Variants in MTCL1 observed in about 807,000 individuals in gnomAD.
The protein encoded by MTCL1 is microtubule crosslinking factor 1.
A neutral mutation model predicts 141.4 loss-of-function variants in MTCL1; 79 were observed. That is an observed-to-expected ratio of 0.56 (90% confidence interval 0.47 to 0.67). The LOEUF (loss-of-function observed/expected upper bound fraction) is 0.67, where lower values mean the gene tolerates loss of function less well. Among genes scored for constraint, MTCL1 ranks in the 30% least tolerant of loss-of-function variants. The pLI is 0.00. For synonymous variants in MTCL1, 914 were observed against 875.8 expected (o/e 1.04, Z -0.77); for missense variants, 2,177 against 2,113.9 (o/e 1.03, Z -0.59).
At chr18:8,826,717 G>A (rs1195874065) in intron 15 of MTCL1, among the ~76,000 whole-genome samples, 1 of 152,138 alleles carries the variant, frequency 6.6e-6, no homozygotes, top group Non-Finnish European at 1.5e-5. Context: ...TTCCTGGGCT[G>A]GCTTCCTTAC....
At chr18:8,706,082 T>C in exon 1 of MTCL1, 1 of 1,201,764 alleles carries the variant, frequency 8.3e-7, no homozygotes, top group Non-Finnish European at 1.0e-6. Flanking sequence ...GCGGAGCCGC[T>C]GTCCCGGGCT....
In MTCL1 at chr18:8,817,565, A is replaced by G. The variant is rs528974510; in HGVS notation, c.2860-1398A>G. ...CTCATATGGCTTTCTTCCTGACTAT[A>G]CAGAAACCATATTTACGTCCAACTT... On this transcript the variant is annotated intron_variant, in intron 12 of 16. Transcript: ENST00000359865. Among the ~76,000 whole-genome samples, 3 of 152,252 alleles carry G rather than the reference A, an allele frequency of 2.0e-5. No homozygotes were observed. The East Asian group carries it at 5.8e-4, about 29-fold the overall frequency.
At chr18:8,744,727 G>C (rs994256197) in intron 4 of MTCL1, among the ~76,000 whole-genome samples, 5 of 152,094 alleles carry the variant, frequency 3.3e-5, no homozygotes, top group Non-Finnish European at 4.4e-5. Flanking sequence ...TTTTCAAGTA[G>C]CATCTGTTAG....
intron 4 of MTCL1, among the ~76,000 whole-genome samples, chr18:8,730,889 C>T (rs1474225716): frequency 6.6e-6 from 1 of 152,178 alleles, no homozygotes; most frequent in African/African-American, 2.4e-5. Context: ...CAGCATTTTA[C>T]CTACACGTTA....
intron 4 of MTCL1, among the ~76,000 whole-genome samples, chr18:8,744,890 C>T (rs1311704608): frequency 3.9e-5 from 6 of 152,194 alleles, no homozygotes; most frequent in Non-Finnish European, 7.3e-5. Context: ...CTGGCTCTGA[C>T]GACTAGAGGC....
At chr18:8,745,192 A>G (rs1480409210) in intron 4 of MTCL1, among the ~76,000 whole-genome samples, 1 of 152,264 alleles carries the variant, frequency 6.6e-6, no homozygotes, top group African/African-American at 2.4e-5. Context: ...TAAATAATTT[A>G]AAGAATAGTA....
intron 4 of MTCL1, among the ~76,000 whole-genome samples, chr18:8,725,460 G>C (rs2096202220): frequency 6.6e-6 from 1 of 152,116 alleles, no homozygotes; most frequent in African/African-American, 2.4e-5. Flanking sequence ...AGCAAAAAGG[G>C]CATCATCACT....
chr18:8,825,934 C>T, exon 15 of MTCL1: 2 of 1,605,904 alleles, frequency 1.2e-6, no homozygotes, highest in Non-Finnish European at 1.7e-6. Context: ...TCAGCAGAGC[C>T]CCGACCAGAG....
chr18:8,809,842 G>C (rs2076422503), intron 11 of MTCL1: 1 of 480,390 alleles, frequency 2.1e-6, no homozygotes, highest in East Asian at 3.8e-5. Flanking sequence ...GACTTGAAAA[G>C]GGCTGGGCTG....
chr18:8,784,594 C>T (rs1216156849), exon 6 of MTCL1: 6 of 1,611,510 alleles, frequency 3.7e-6, no homozygotes, highest in Non-Finnish European at 5.1e-6. Flanking sequence ...CGGGGCCTGG[C>T]CTCCAGGGCG....
chr18:8,741,508 T>C (rs2148910231), intron 4 of MTCL1, among the ~76,000 whole-genome samples: 1 of 152,258 alleles, frequency 6.6e-6, no homozygotes, highest in South Asian at 2.1e-4. Flanking sequence ...ATTACCTGAA[T>C]GGCAATAGCA....
chr18:8,797,218 G>A (rs2075957195), intron 9 of MTCL1, among the ~76,000 whole-genome samples: 1 of 152,156 alleles, frequency 6.6e-6, no homozygotes, highest in Admixed American at 6.5e-5. Flanking sequence ...TAAAACTTTT[G>A]CTCTTCTTTC....
chr18:8,753,159 GAAGCCCAACATGGGTGAGAACGTTTTCAT>G (rs2096380636), intron 4 of MTCL1, among the ~76,000 whole-genome samples: 2 of 152,206 alleles, frequency 1.3e-5, no homozygotes, highest in Non-Finnish European at 2.9e-5. Context: ...TGGACCCAGG[GAAGCCCAACATGGGTGAGAACGTTTTCAT>G]AAAATGCTAA....
At position 8,828,218 on chromosome 18, in the gene MTCL1, T is replaced by C. The variant is rs985481946; in HGVS notation, c.4723-690T>C. Among the ~76,000 whole-genome samples, 1 of 152,218 alleles carries C rather than the reference T, an allele frequency of 6.6e-6. No individual in the cohort carries two copies. Among genetic ancestry groups the C allele is most frequent in the African/African-American group, 2.4e-5 (1 of 41,460 alleles). On this transcript the variant is annotated intron_variant, in intron 15 of 16. Coordinates refer to ENST00000359865, the Ensembl canonical transcript of MTCL1. The surrounding 1 kb of genome is among the most constrained non-coding windows in gnomAD (Gnocchi z 5.2). ...GATTCCAAGCCCACCCAGTGCGCTG[T>C]TGCGGAATCTTTCCCCGAATGTTCA...
intron 12 of MTCL1, among the ~76,000 whole-genome samples, chr18:8,817,218 G>A (rs1038789205): frequency 4.1e-5 from 6 of 147,426 alleles, no homozygotes; most frequent in Non-Finnish European, 7.4e-5. Context: ...AAATTGTGCC[G>A]ACATGCATTA....
At chr18:8,736,007 A>G (rs1486289458) in intron 4 of MTCL1, among the ~76,000 whole-genome samples, 1 of 152,200 alleles carries the variant, frequency 6.6e-6, no homozygotes, top group Admixed American at 6.5e-5. Flanking sequence ...ACTATCATAT[A>G]TTAAGGCTGT....
chr18:8,819,117 A>T (rs750155480), exon 13 of MTCL1: 1 of 1,614,148 alleles, frequency 6.2e-7, no homozygotes. Context: ...CCGTTTGAAG[A>T]CCGGCCGCTG....
intron 4 of MTCL1, among the ~76,000 whole-genome samples, chr18:8,744,222 G>GC (rs2096322325): frequency 6.6e-6 from 1 of 152,242 alleles, no homozygotes; most frequent in Non-Finnish European, 1.5e-5. Flanking sequence ...CTAGCTAGGT[G>GC]CATGCGGTTA....
At position 8,758,275 on chromosome 18, in the gene MTCL1, G is replaced by A. The variant is rs547937333; in HGVS notation, c.358-19558G>A. On this transcript the variant is annotated intron_variant, in intron 4 of 16. Transcript: ENST00000359865. ...TGACCTTAGGTGATCCGCCTGCCTC[G>A]GCCTCCCAAAATACTGGGATTACAG... Among the ~76,000 whole-genome samples, 57 of 152,032 alleles carry A rather than the reference G, an allele frequency of 3.7e-4. No homozygotes were observed. In the South Asian group the frequency reaches 6.6e-3, roughly 18 times the overall value.
Sources: allele counts gnomAD v4.1 joint callset (sites outside exome capture counted in the v4.1 genomes callset), GRCh38; gene constraint gnomAD v4.1.1; non-coding constraint Gnocchi (gnomAD v3.1); transcripts MANE v1.5; gene names NCBI Gene and HGNC (gene_info 2026-07-23, HGNC 2026-07-21).